Variants in C8orf34 observed in about 807,000 individuals in gnomAD.
The protein encoded by C8orf34 is chromosome 8 open reading frame 34.
C8orf34 carries 65 observed loss-of-function variants against 68.3 expected under a neutral mutation model. That is an observed-to-expected ratio of 0.95 (90% CI 0.78 to 1.17). C8orf34 has a LOEUF of 1.17. Among genes scored for constraint, C8orf34 ranks in the 50% most tolerant of loss-of-function variants. C8orf34 has a pLI of 0.00. For synonymous variants in C8orf34, 244 were observed against 241.2 expected (o/e 1.01, Z -0.11); for missense variants, 664 against 655.4 (o/e 1.01, Z -0.14).
intron 7 of C8orf34, among the ~76,000 whole-genome samples, chr8:68,572,160 A>G (rs1415254016): frequency 3.3e-5 from 5 of 152,058 alleles, no homozygotes; most frequent in Non-Finnish European, 5.9e-5. Context: ...ATATTATTAT[A>G]ATCTTATGGG....
At chr8:68,444,710 CTT>C (rs1409207462) in intron 2 of C8orf34, among the ~76,000 whole-genome samples, 1 of 152,116 alleles carries the variant, frequency 6.6e-6, no homozygotes, top group Non-Finnish European at 1.5e-5. Flanking sequence ...CTTACTATCT[CTT>C]ATCTCTTTTC....
intron 10 of C8orf34, among the ~76,000 whole-genome samples, chr8:68,744,903 G>A (rs564829417): frequency 3.9e-5 from 6 of 152,160 alleles, no homozygotes; most frequent in East Asian, 3.9e-4. Context: ...GATACTCCTC[G>A]AGAAGAGCAA....
chr8:68,408,301 G>T (rs149019302), intron 1 of C8orf34, among the ~76,000 whole-genome samples: 1 of 151,392 alleles, frequency 6.6e-6, no homozygotes, highest in Non-Finnish European at 1.5e-5. Flanking sequence ...ATTATGATGG[G>T]TTGTATAATT....
intron 1 of C8orf34, among the ~76,000 whole-genome samples, chr8:68,339,050 TA>T (rs1242242788): frequency 6.6e-5 from 10 of 152,138 alleles, no homozygotes; most frequent in East Asian, 1.9e-4. Context: ...TGCCCATTTT[TA>T]TTTGGGTTGT....
At chr8:68,444,768 T>G (rs76652998) in intron 2 of C8orf34, among the ~76,000 whole-genome samples, 2,068 of 152,338 alleles carry the variant, frequency 0.014, 38 homozygotes, top group East Asian at 0.096. Flanking sequence ...TGAATTAATA[T>G]GGATTTTTTC....
intron 10 of C8orf34, among the ~76,000 whole-genome samples, chr8:68,725,147 A>G (rs1470951669): frequency 6.6e-6 from 1 of 152,226 alleles, no homozygotes; most frequent in African/African-American, 2.4e-5. Flanking sequence ...GATTACAGGA[A>G]TGAGCTTCCT....
intron 12 of C8orf34, among the ~76,000 whole-genome samples, chr8:68,812,599 T>G (rs765321932): frequency 6.6e-6 from 1 of 152,200 alleles, no homozygotes; most frequent in South Asian, 2.1e-4. Context: ...TCTACCTAAT[T>G]ATAAAAAATT....
intron 8 of C8orf34, among the ~76,000 whole-genome samples, chr8:68,691,396 T>C (rs1820681569): frequency 6.6e-6 from 1 of 152,116 alleles, no homozygotes; most frequent in Non-Finnish European, 1.5e-5. Context: ...ATAACTTTTA[T>C]ATGCACTGGA....
At chr8:68,603,325 C>A (rs761244088) in intron 7 of C8orf34, among the ~76,000 whole-genome samples, 1 of 152,014 alleles carries the variant, frequency 6.6e-6, no homozygotes, top group African/African-American at 2.4e-5. Flanking sequence ...ACTAAACTTG[C>A]ACTTGGCAAG....
chr8:68,428,328 A>C (rs1266764653), intron 1 of C8orf34, among the ~76,000 whole-genome samples: 1 of 152,090 alleles, frequency 6.6e-6, no homozygotes, highest in Non-Finnish European at 1.5e-5. Flanking sequence ...ATGCATGCTA[A>C]TGGTATAAGA....
intron 11 of C8orf34, among the ~76,000 whole-genome samples, chr8:68,783,823 G>A (rs1052708277): frequency 1.3e-4 from 19 of 151,978 alleles, no homozygotes; most frequent in African/African-American, 2.9e-4. Context: ...CCTCAACTTT[G>A]GCAAAAAAAA....
chr8:68,625,502 T>G, intron 7 of C8orf34: 1 of 597,802 alleles, frequency 1.7e-6, no homozygotes. Flanking sequence ...AAAATTCCAC[T>G]TGGGGTGGCG....
chr8:68,563,092 C>A lies in C8orf34; in HGVS notation c.1105+29943C>A, dbSNP rs571823870. ...AGTGACTCTTTTCCTTATTCTACCACCATTAACCTCCTAATATTACTAACA... is the reference window on the plus strand; with the variant it reads ...AGTGACTCTTTTCCTTATTCTACCAACATTAACCTCCTAATATTACTAACA... On this transcript the variant is annotated intron_variant, in intron 7 of 13. Coordinates refer to ENST00000518698, the MANE Select transcript of C8orf34 (RefSeq NM_052958.4). Among the ~76,000 whole-genome samples the A allele has an allele frequency of 3.3e-5, 5 of 152,182 alleles. No individual in the cohort carries two copies. In the South Asian group the frequency reaches 8.3e-4, roughly 25 times the overall value.
intron 9 of C8orf34, among the ~76,000 whole-genome samples, chr8:68,712,554 C>T (rs1004213389): frequency 1.3e-5 from 2 of 151,878 alleles, no homozygotes; most frequent in African/African-American, 4.8e-5. Flanking sequence ...TTATATCAGA[C>T]AAAACAAACT....
At chr8:68,441,314 T>G (rs148646738) in intron 2 of C8orf34, among the ~76,000 whole-genome samples, 2 of 152,146 alleles carry the variant, frequency 1.3e-5, no homozygotes, top group Non-Finnish European at 2.9e-5. Flanking sequence ...TGCAGCTATA[T>G]GGCTGAGGTC....
intron 9 of C8orf34, among the ~76,000 whole-genome samples, chr8:68,717,668 A>G (rs1019805737): frequency 6.6e-6 from 1 of 152,082 alleles, no homozygotes; most frequent in Non-Finnish European, 1.5e-5. Context: ...ATTTAAATAG[A>G]TCATATATAC....
intron 1 of C8orf34, among the ~76,000 whole-genome samples, chr8:68,388,324 G>C (rs970735558): frequency 6.6e-6 from 1 of 152,148 alleles, no homozygotes. Context: ...CCCCAGTGGA[G>C]TCTGACATAG....
At chr8:68,451,825 A>G (rs560678515) in intron 3 of C8orf34, among the ~76,000 whole-genome samples, 1 of 152,194 alleles carries the variant, frequency 6.6e-6, no homozygotes, top group Non-Finnish European at 1.5e-5. Flanking sequence ...TGTTGGAAAA[A>G]TTAAGCTGAT....
chr8:68,727,723 G>T (rs1239843430), intron 10 of C8orf34, among the ~76,000 whole-genome samples: 1 of 152,214 alleles, frequency 6.6e-6, no homozygotes, highest in Admixed American at 6.5e-5. Flanking sequence ...GCAAAGGCTT[G>T]GGGCTTCCAC....
Sources: gnomAD v4.1 joint callset for allele counts (sites outside exome capture counted in the v4.1 genomes callset) on GRCh38, gnomAD v4.1.1 for gene constraint, MANE v1.5 for transcripts, NCBI Gene and HGNC (gene_info 2026-07-23, HGNC 2026-07-21) for gene names.